Variants in PRMT7 observed in about 807,000 individuals in gnomAD.
PRMT7 encodes the protein protein arginine N-methyltransferase 7.
Under a neutral mutation model 85.4 loss-of-function variants are expected in PRMT7, and 75 were observed. The observed-to-expected ratio is 0.88, with a 90% CI of 0.73 to 1.06. The LOEUF (loss-of-function observed/expected upper bound fraction) is 1.06, where lower values mean the gene tolerates loss of function less well. PRMT7 is among the 50% of genes least tolerant of loss of function. The pLI, the probability that PRMT7 is intolerant of heterozygous loss-of-function variation, is 0.00. For synonymous variants in PRMT7, 397 were observed against 359.5 expected (o/e 1.10, Z -1.18); for missense variants, 868 against 915.2 (o/e 0.95, Z 0.67).
intron 5 of PRMT7, among the ~76,000 whole-genome samples, chr16:68,325,656 T>C (rs887582976): frequency 6.6e-6 from 1 of 152,054 alleles, no homozygotes; most frequent in African/African-American, 2.4e-5. Flanking sequence ...CCGGGTGTGG[T>C]GATGCGCGCC....
Position 68,337,470 on chromosome 16 carries a change from C to T in PRMT7, c.403C>T (p.Pro135Ser). 6.2e-7 allele frequency: 1 copy of T among 1,608,062 alleles called. No homozygotes were observed. Among genetic ancestry groups the T allele is most frequent in the Non-Finnish European group, 8.5e-7 (1 of 1,177,414 alleles). ...CTTGTGTTTTTCAGAGGGTGACATG[C>T]CATGCCGTGCCAACATCCTGGTCAC... ...EVTVGPEGDM[P>S]CRANILVTEL... Residue 135 changes from proline (P) to serine (S), a missense_variant, in exon 7 of 19, where the codon CCA becomes TCA. Physicochemically the swap from Pro to Ser is moderately conservative, Grantham distance 74. Coordinates refer to ENST00000441236, the MANE Select transcript of PRMT7 (RefSeq NM_019023.5).
At position 68,314,525 on chromosome 16, in the gene PRMT7, C is replaced by T. The variant is rs1394745783; in HGVS notation, c.-83-1372C>T. ...GGGATTACAGGTGTGAGCCACCGTG[C>T]CCAGCCTGTTTCTCATCTATTTGTG... On this transcript the variant is annotated intron_variant, in intron 2 of 18. Coordinates refer to ENST00000441236, the MANE Select transcript of PRMT7 (RefSeq NM_019023.5). Among the ~76,000 whole-genome samples, 3 of 152,196 alleles carry T rather than the reference C, an allele frequency of 2.0e-5. No homozygotes were observed. The East Asian group carries it at 5.8e-4, about 29-fold the overall frequency.
chr16:68,330,007 C>T (rs1215649234), intron 6 of PRMT7, among the ~76,000 whole-genome samples: 3 of 152,028 alleles, frequency 2.0e-5, no homozygotes, highest in Non-Finnish European at 2.9e-5. Flanking sequence ...GATTCTCCTG[C>T]CTCAGCCTCC....
rs1319419767 is a variant in PRMT7, at chr16:68,352,108, G to A, written c.1414-140G>A. 1.1e-5 allele frequency: 9 copies of A among 837,222 alleles called. No homozygotes were observed. The South Asian group carries it at 1.4e-4, about 13-fold the overall frequency. The allele number at this position is 837,222 out of a possible 1,614,324, so 51.9% of individuals were successfully genotyped here. ...GATGAGGGAGGGAGGGAATGAGTGA[G>A]TGACTGAGTGAGGGAGGGAGAGGGA... On this transcript the variant is annotated intron_variant, in intron 14 of 18. Transcript: ENST00000441236.
At chr16:68,344,411 T>C (rs1467076761) in intron 9 of PRMT7, among the ~76,000 whole-genome samples, 3 of 152,212 alleles carry the variant, frequency 2.0e-5, no homozygotes, top group Non-Finnish European at 4.4e-5. Flanking sequence ...TTGGTCTCTC[T>C]CCAAACGCGT....
chr16:68,350,274 A>G (rs2087098868), intron 14 of PRMT7, among the ~76,000 whole-genome samples: 1 of 152,188 alleles, frequency 6.6e-6, no homozygotes, highest in African/African-American at 2.4e-5. Flanking sequence ...TCAGTCTCTT[A>G]TGCAGATGCC....
intron 9 of PRMT7, among the ~76,000 whole-genome samples, chr16:68,342,883 G>A (rs1274175292): frequency 6.6e-6 from 1 of 152,154 alleles, no homozygotes; most frequent in African/African-American, 2.4e-5. Context: ...TCCTAAGACT[G>A]TGTTGCAGAA....
chr16:68,313,431 T>C (rs191686006), intron 2 of PRMT7, among the ~76,000 whole-genome samples: 73 of 152,346 alleles, frequency 4.8e-4, no homozygotes, highest in Non-Finnish European at 9.3e-4. Context: ...CCTATTGATA[T>C]GTTTGACACC....
intron 17 of PRMT7, 30 bp from the exon 18 acceptor site, chr16:68,356,671 A>T: frequency 6.4e-7 from 1 of 1,569,390 alleles, no homozygotes; most frequent in Non-Finnish European, 8.7e-7. Context: ...TTGTGTGACT[A>T]CTTCTGCTGG....
chr16:68,319,705 A>AGAGTGT (rs1268725611), intron 3 of PRMT7, among the ~76,000 whole-genome samples: 2 of 50,766 alleles, frequency 3.9e-5, no homozygotes, highest in African/African-American at 2.1e-4. Flanking sequence ...TCTCAATAAG[A>AGAGTGT]GTGAGAGTGT....
chr16:68,315,815 C>T, intron 2 of PRMT7, 82 bp from the exon 3 acceptor site: 1 of 636,712 alleles, frequency 1.6e-6, no homozygotes. Context: ...CCCCCCTCCA[C>T]ATTTTGGGGC....
chr16:68,331,469 C>T lies in PRMT7; in HGVS notation c.391+2295C>T, dbSNP rs868180907. Among the ~76,000 whole-genome samples, 113 of 114,496 alleles carry T rather than the reference C, an allele frequency of 9.9e-4. 1 individual carries two copies. Among genetic ancestry groups the T allele is most frequent in the African/African-American group, 1.2e-3 (34 of 29,068 alleles). 75.1% of individuals were successfully genotyped at this position (114,496 alleles called of 152,430 possible). Reference sequence around the variant, plus strand: ...TTTTCATTTCTCTTTCTTTGTTGTTCTTTTTTTTTTTTTTTTGAGACAGGA... The same window carrying T: ...TTTTCATTTCTCTTTCTTTGTTGTTTTTTTTTTTTTTTTTTTGAGACAGGA... On this transcript the variant is annotated intron_variant, in intron 6 of 18. Coordinates refer to ENST00000441236, the MANE Select transcript of PRMT7 (RefSeq NM_019023.5).
chr16:68,331,873 T>A (rs963263234), intron 6 of PRMT7, among the ~76,000 whole-genome samples: 5 of 152,248 alleles, frequency 3.3e-5, no homozygotes, highest in Non-Finnish European at 7.3e-5. Context: ...TAAGCACATT[T>A]ATTTTAGCTT....
rs778916578 is a variant in PRMT7, at chr16:68,345,807, G to A, written c.1055+5G>A. 23 of 1,613,818 alleles carry A rather than the reference G, an allele frequency of 1.4e-5. No homozygotes were observed. The highest frequency in any genetic ancestry group is 1.8e-5 in the Non-Finnish European group (21 of 1,179,986). On this transcript the variant is annotated splice_donor_5th_base_variant and intron_variant, in intron 10 of 18. Coordinates refer to ENST00000441236, the MANE Select transcript of PRMT7 (RefSeq NM_019023.5). The stretch of plus-strand genomic sequence containing the variant: ...GTACAGCCTGCAGAGGACCAGGTAC[G>A]TCGAGCCTCGTGGGGGTGGAGGATG...
At chr16:68,359,127 T>C (rs571587775), downstream of PRMT7, 8 of 152,650 alleles carry the variant, frequency 5.2e-5, no homozygotes, top group Non-Finnish European at 8.8e-5. Context: ...GGAAGCTATG[T>C]TGGGGTCTGG....
intron 12 of PRMT7, 76 bp from the exon 13 acceptor site, chr16:68,347,555 C>A: frequency 6.7e-7 from 1 of 1,487,800 alleles, no homozygotes; most frequent in South Asian, 1.1e-5. Flanking sequence ...TTAGGATGGT[C>A]TTGTCGCATT....
chr16:68,356,876 T>G, intron 18 of PRMT7, 79 bp downstream of exon 18: 9 of 1,433,790 alleles, frequency 6.3e-6, no homozygotes, highest in Non-Finnish European at 8.6e-6. Flanking sequence ...CCTGCCCCCA[T>G]GCTCTGGGTG....
chr16:68,339,223 C>A, intron 7 of PRMT7, 99 bp from the exon 8 acceptor site: 1 of 1,511,556 alleles, frequency 6.6e-7, no homozygotes, highest in Non-Finnish European at 9.0e-7. Flanking sequence ...ATTACTGAAC[C>A]AACCTAATGT....
chr16:68,352,025 G>A (rs888507854), intron 14 of PRMT7: 3 of 516,868 alleles, frequency 5.8e-6, no homozygotes, highest in African/African-American at 3.9e-5. Flanking sequence ...CAGCCTCCAG[G>A]GCAGGTACAG....
Sources: allele counts gnomAD v4.1 joint callset (sites outside exome capture counted in the v4.1 genomes callset), GRCh38; gene constraint gnomAD v4.1.1; transcripts MANE v1.5; gene names NCBI Gene and HGNC (gene_info 2026-07-23, HGNC 2026-07-21).